Variants in FSTL5 observed in about 807,000 individuals in gnomAD.
FSTL5 encodes the protein follistatin-related protein 5.
Under a neutral mutation model 89.1 loss-of-function variants are expected in FSTL5, and 62 were observed. The observed-to-expected ratio is 0.70, with a 90% CI of 0.57 to 0.86. The LOEUF (loss-of-function observed/expected upper bound fraction) is 0.86, where lower values mean the gene tolerates loss of function less well. Among genes scored for constraint, FSTL5 ranks in the 40% least tolerant of loss-of-function variants. The pLI, the probability that FSTL5 is intolerant of heterozygous loss-of-function variation, is 0.00. For missense variants in FSTL5, 1,057 were observed against 1,001.6 expected, an observed-to-expected ratio of 1.06 and a Z score of -0.75; for synonymous variants, 383 against 346.2, an observed-to-expected ratio of 1.11 and a Z score of -1.18.
intron 8 of FSTL5, among the ~76,000 whole-genome samples, chr4:161,550,211 G>C (rs1026875184): frequency 6.6e-6 from 1 of 151,858 alleles, no homozygotes; most frequent in South Asian, 2.1e-4. Flanking sequence ...GACCTTCAAA[G>C]CTCTAAGTAC....
chr4:161,620,700 T>C (rs1735092182), intron 7 of FSTL5, among the ~76,000 whole-genome samples: 1 of 152,034 alleles, frequency 6.6e-6, no homozygotes, highest in African/African-American at 2.4e-5. Flanking sequence ...CTAACAGAGT[T>C]CTTCAGGATG....
chr4:161,958,826 T>A (rs1343590796), intron 3 of FSTL5, among the ~76,000 whole-genome samples: 9 of 152,180 alleles, frequency 5.9e-5, no homozygotes. Context: ...AAGACTCAGC[T>A]GAAGACTTGA....
intron 4 of FSTL5, among the ~76,000 whole-genome samples, chr4:161,900,200 G>C (rs1250271764): frequency 6.7e-6 from 1 of 150,048 alleles, no homozygotes; most frequent in Admixed American, 6.6e-5. Context: ...GTCTCAAAAA[G>C]AAAAGAAAAG....
intron 13 of FSTL5, among the ~76,000 whole-genome samples, chr4:161,478,836 G>A (rs1020840552): frequency 6.6e-6 from 1 of 151,976 alleles, no homozygotes. Flanking sequence ...AGAATCAACT[G>A]TAATCAGTTT....
At chr4:161,964,548 G>T (rs992718009) in intron 3 of FSTL5, among the ~76,000 whole-genome samples, 1 of 151,846 alleles carries the variant, frequency 6.6e-6, no homozygotes, top group Non-Finnish European at 1.5e-5. Context: ...TTAATATAGC[G>T]GAGTGGGAGA....
At chr4:162,011,604 C>T (rs1400074801) in intron 3 of FSTL5, among the ~76,000 whole-genome samples, 1 of 152,062 alleles carries the variant, frequency 6.6e-6, no homozygotes, top group Non-Finnish European at 1.5e-5. Context: ...AGTGACTCTC[C>T]TGCCTCAGTC....
intron 1 of FSTL5, among the ~76,000 whole-genome samples, chr4:162,133,904 CTG>C: frequency 6.6e-6 from 1 of 152,294 alleles, no homozygotes; most frequent in Middle Eastern, 3.4e-3. Context: ...CAGTTGTTCT[CTG>C]AGATTCTCTG....
chr4:161,613,681 A>G (rs1219895175), intron 7 of FSTL5, among the ~76,000 whole-genome samples: 4 of 152,170 alleles, frequency 2.6e-5, no homozygotes, highest in African/African-American at 9.7e-5. Context: ...GTTACATTTC[A>G]CATCTATTCA....
At chr4:161,505,986 T>C (rs1730466952) in intron 11 of FSTL5, among the ~76,000 whole-genome samples, 2 of 152,168 alleles carry the variant, frequency 1.3e-5, no homozygotes, top group South Asian at 4.1e-4. Context: ...CATGACTAAA[T>C]CTCATGTATT....
chr4:161,785,860 A>G (rs1488686399), intron 4 of FSTL5, among the ~76,000 whole-genome samples: 1 of 152,124 alleles, frequency 6.6e-6, no homozygotes, highest in Non-Finnish European at 1.5e-5. Context: ...TTTCTTGTCA[A>G]TGAATGTATC....
chr4:161,389,801 G>A (rs192008257), intron 15 of FSTL5, among the ~76,000 whole-genome samples: 1 of 152,222 alleles, frequency 6.6e-6, no homozygotes, highest in Non-Finnish European at 1.5e-5. Context: ...TTTACACCAT[G>A]AGTAGCATTA....
chr4:162,013,114 G>T (rs1375580863), intron 3 of FSTL5, among the ~76,000 whole-genome samples: 1 of 151,034 alleles, frequency 6.6e-6, no homozygotes, highest in Admixed American at 6.6e-5. Context: ...AACCCAGGAG[G>T]TGAAGGTTGT....
intron 5 of FSTL5, among the ~76,000 whole-genome samples, chr4:161,763,244 C>T (rs1455954424): frequency 6.6e-6 from 1 of 151,970 alleles, no homozygotes; most frequent in Non-Finnish European, 1.5e-5. Flanking sequence ...CCATATGAAA[C>T]TCATATTCTG....
Position 161,467,979 on chromosome 4 carries a change from T to G in FSTL5, c.1609-8660A>C, listed in dbSNP as rs1733803324. ...TCTCAGAAAGAATACTACACAGATG[T>G]ACCAGTATGGAAATTTTCATTCCAT... On this transcript the variant is annotated intron_variant, in intron 13 of 15. Coordinates refer to ENST00000306100, the MANE Select transcript of FSTL5 (RefSeq NM_020116.5). Among the ~76,000 whole-genome samples, 5 of 152,152 alleles carry G rather than the reference T, an allele frequency of 3.3e-5. No homozygotes were observed. The South Asian group carries it at 1.0e-3, about 31-fold the overall frequency.
At chr4:161,424,542 AAT>A (rs1185972953) in intron 15 of FSTL5, among the ~76,000 whole-genome samples, 1 of 149,366 alleles carries the variant, frequency 6.7e-6, no homozygotes, top group Admixed American at 6.7e-5. Context: ...AAAAAAAAAA[AAT>A]GGTTTTCTTT....
intron 2 of FSTL5, among the ~76,000 whole-genome samples, chr4:162,056,186 A>G (rs1738536847): frequency 6.6e-6 from 1 of 152,042 alleles, no homozygotes; most frequent in Admixed American, 6.6e-5. Flanking sequence ...TTTAGTTCTC[A>G]GAATATATAA....
At chr4:161,978,875 T>A (rs971285469) in intron 3 of FSTL5, among the ~76,000 whole-genome samples, 4 of 152,120 alleles carry the variant, frequency 2.6e-5, no homozygotes, top group African/African-American at 9.7e-5. Flanking sequence ...AGGAGACACA[T>A]AACATCAGGT....
At chr4:161,666,196 C>T (rs1055727041) in intron 6 of FSTL5, among the ~76,000 whole-genome samples, 2 of 151,926 alleles carry the variant, frequency 1.3e-5, no homozygotes, top group African/African-American at 4.8e-5. Flanking sequence ...CTACACATCA[C>T]TAAGAAAAAT....
chr4:161,982,754 T>A (rs1473889967), intron 3 of FSTL5, among the ~76,000 whole-genome samples: 1 of 152,216 alleles, frequency 6.6e-6, no homozygotes, highest in African/African-American at 2.4e-5. Flanking sequence ...TAAGAAAAGT[T>A]ACAAAAGAAA....
Sources: gnomAD v4.1 joint callset for allele counts (sites outside exome capture counted in the v4.1 genomes callset) on GRCh38, gnomAD v4.1.1 for gene constraint, MANE v1.5 for transcripts, NCBI Gene and HGNC (gene_info 2026-07-23, HGNC 2026-07-21) for gene names.